The following USH2A variants were observed in gnomAD, a reference collection of about 807,000 sequenced individuals.
The protein encoded by USH2A is usherin, also known as Usher syndrome 2A (autosomal recessive, mild).
A neutral mutation model predicts 538.9 loss-of-function variants in USH2A; 443 were observed. The ratio of observed to expected loss-of-function variants is 0.82; its 90% CI spans 0.76 to 0.89. USH2A has a LOEUF of 0.89. Among genes scored for constraint, USH2A ranks in the 40% least tolerant of loss-of-function variants. The pLI, the probability that USH2A is intolerant of heterozygous loss-of-function variation, is 0.00. For synonymous variants in USH2A, 2,413 were observed against 2,273.5 expected (o/e 1.06, Z -1.75); for missense variants, 6,633 against 6,324.8 (o/e 1.05, Z -1.65).
chr1:215,942,209 C>T (rs509655), intron 37 of USH2A, among the ~76,000 whole-genome samples: 104,680 of 151,994 alleles, frequency 0.69, 36,901 homozygotes, highest in East Asian at 0.91. Flanking sequence ...TCTCAGTTAC[C>T]AGTTTTGTGT....
chr1:215,632,988 A>G (rs1420001324), intron 70 of USH2A, among the ~76,000 whole-genome samples: 1 of 152,164 alleles, frequency 6.6e-6, no homozygotes, highest in East Asian at 1.9e-4. Flanking sequence ...TACAACAGGA[A>G]GAGGCCCACA....
chr1:216,325,435 T>G lies in USH2A; in HGVS notation c.1013A>C (p.Glu338Ala). 6.2e-7 allele frequency: 1 copy of G among 1,613,946 alleles called. No homozygotes were observed. Among genetic ancestry groups the G allele is most frequent in the African/African-American group, 1.3e-5 (1 of 75,018 alleles). The change falls in exon 6 of 72, where the codon GAA (glutamate) becomes GCA (alanine). Residue 338 changes from glutamate to alanine, a missense_variant. Transcript: ENST00000307340. ...ATTGACAAAAGAGAGAGGATGGGCT[T>G]CAGGATTCAACCGTGACACTCTATT... ...ADNRVSRLNP[E>A]AHPLSFVNDN...
intron 64 of USH2A, among the ~76,000 whole-genome samples, chr1:215,652,158 T>G (rs147120119): frequency 2.6e-4 from 39 of 152,356 alleles, no homozygotes; most frequent in Admixed American, 8.5e-4. Context: ...CCTTGTAAGG[T>G]GAGCCGAGAA....
In USH2A at chr1:215,771,579, C is replaced by CAA. The variant is rs759067576; in HGVS notation, c.10940-4793_10940-4792dup. On this transcript the variant is annotated intron_variant, in intron 55 of 71. Transcript: ENST00000307340. ...TGGGCGACAGAGCGAGACTCCGTCT[C>CAA]AAAAAAAAAAAAAAAAAAAAAAAAA... Among the ~76,000 whole-genome samples the CAA allele has an allele frequency of 6.8e-3, 298 of 44,000 alleles. 61 individuals are homozygous for CAA. Among genetic ancestry groups the CAA allele is most frequent in the East Asian group, 0.01 (9 of 896 alleles). The allele number at this position is 44,000 out of a possible 152,430, so 28.9% of individuals were successfully genotyped here. A position where few individuals can be genotyped will look rare whatever the true frequency, so the allele number is the denominator to read the frequency against.
rs114484473 is a variant in USH2A, at chr1:215,738,884, A to G, written c.11711+2491T>C. 7.5e-3 allele frequency among the ~76,000 whole-genome samples: 1,141 copies of G among 152,298 alleles called. 17 individuals carry two copies. Among genetic ancestry groups the G allele is most frequent in the African/African-American group, 0.026 (1,080 of 41,570 alleles). On this transcript the variant is annotated intron_variant, in intron 60 of 71. Transcript: ENST00000307340. ...ACTGCAGGCTGGTGGCTATAACTATATAAAGGGCTCTATGTAGTCTCAGAA... is the reference window on the plus strand; with the variant it reads ...ACTGCAGGCTGGTGGCTATAACTATGTAAAGGGCTCTATGTAGTCTCAGAA...
intron 20 of USH2A, among the ~76,000 whole-genome samples, chr1:216,185,316 T>C (rs1173271812): frequency 6.6e-6 from 1 of 151,974 alleles, no homozygotes; most frequent in Non-Finnish European, 1.5e-5. Flanking sequence ...ATTCTAATCA[T>C]ATATTTAATT....
At chr1:216,050,255 T>TGCC (rs2030701033) in intron 30 of USH2A, among the ~76,000 whole-genome samples, 1 of 152,198 alleles carries the variant, frequency 6.6e-6, no homozygotes, top group Admixed American at 6.5e-5. Context: ...CCAAATCTGC[T>TGCC]GCCGATTGGC....
intron 3 of USH2A, among the ~76,000 whole-genome samples, chr1:216,414,265 C>T (rs2039540692): frequency 6.6e-6 from 1 of 151,852 alleles, no homozygotes; most frequent in African/African-American, 2.4e-5. Context: ...TATTAAACCC[C>T]AAAGTAAAAT....
At position 216,198,535 on chromosome 1, in the gene USH2A, T is replaced by A; in HGVS notation, c.3861A>T (p.Lys1287Asn). ...ELYMRRLRST[K>N]ETTSEESRVF... ...CTCGACTTTCCTCAGATGTGGTTTC[T>A]TTAGTAGATCTCAGTCTTCTCATGT... The change falls in exon 18 of 72, where the codon AAA becomes AAT. Residue 1287 changes from lysine to asparagine, a missense_variant. Lys to Asn is a moderately conservative substitution (Grantham distance 94). Transcript: ENST00000307340. 1 of 1,613,874 alleles carries A rather than the reference T, an allele frequency of 6.2e-7. No homozygotes were observed. The highest frequency in any genetic ancestry group is 8.5e-7 in the Non-Finnish European group (1 of 1,179,948).
intron 36 of USH2A, among the ~76,000 whole-genome samples, chr1:215,967,903 G>A (rs1163796943): frequency 6.6e-6 from 1 of 152,086 alleles, no homozygotes; most frequent in Admixed American, 6.6e-5. Flanking sequence ...ATCCTTAAGA[G>A]TCCCTGGAGA....
chr1:216,060,686 C>A (rs1471155965), intron 30 of USH2A, among the ~76,000 whole-genome samples: 1 of 152,136 alleles, frequency 6.6e-6, no homozygotes, highest in African/African-American at 2.4e-5. Context: ...TTGTATACAC[C>A]AATTATATCT....
At chr1:215,874,581 A>G (rs1354722286) in intron 43 of USH2A, among the ~76,000 whole-genome samples, 3 of 152,228 alleles carry the variant, frequency 2.0e-5, no homozygotes, top group Admixed American at 2.0e-4. Flanking sequence ...ACACATACTT[A>G]GCCAAAATAG....
At chr1:215,846,054 A>G in intron 44 of USH2A, 21 bp from the exon 45 acceptor site, 1 of 1,611,010 alleles carries the variant, frequency 6.2e-7, no homozygotes, top group Non-Finnish European at 8.5e-7. Context: ...TAAATGCAGG[A>G]CATGGTGAAT....
chr1:216,054,272 T>G (rs995065651), intron 30 of USH2A, among the ~76,000 whole-genome samples: 2 of 152,204 alleles, frequency 1.3e-5, no homozygotes, highest in African/African-American at 2.4e-5. Context: ...AGACATTGTT[T>G]CTTTTGACTG....
In USH2A at chr1:216,027,644, C is replaced by G. The variant is rs79460719; in HGVS notation, c.6325+18787G>C. ...TGGCCCCCTCTTTATCAATGCTACA[C>G]TCTGCAGACCTATAATTTCCACTTT... On this transcript the variant is annotated intron_variant, in intron 32 of 71. Coordinates refer to ENST00000307340, the MANE Select transcript of USH2A (RefSeq NM_206933.4). Among the ~76,000 whole-genome samples, 702 of 152,306 alleles carry G rather than the reference C, an allele frequency of 4.6e-3. 2 individuals are homozygous for G. The highest frequency in any genetic ancestry group is 5.9e-3 in the Non-Finnish European group (404 of 68,016).
chr1:215,692,393 T>C (rs1658646870), intron 61 of USH2A, among the ~76,000 whole-genome samples: 1 of 152,056 alleles, frequency 6.6e-6, no homozygotes, highest in Non-Finnish European at 1.5e-5. Context: ...TTTATATTGA[T>C]GGCAATTTTT....
At chr1:215,771,134 AAAAG>A (rs1046632962) in intron 55 of USH2A, among the ~76,000 whole-genome samples, 1 of 151,012 alleles carries the variant, frequency 6.6e-6, no homozygotes. Context: ...CCTAAAAAAA[AAAAG>A]AAAGAAAGAA....
intron 13 of USH2A, among the ~76,000 whole-genome samples, chr1:216,244,536 A>T (rs552584083): frequency 8.1e-4 from 124 of 152,284 alleles, no homozygotes; most frequent in African/African-American, 2.8e-3. Flanking sequence ...GAACAAAGAG[A>T]TCACCACAAT....
intron 47 of USH2A, among the ~76,000 whole-genome samples, chr1:215,836,848 GC>G (rs1558120624): frequency 6.6e-6 from 1 of 151,262 alleles, no homozygotes; most frequent in Non-Finnish European, 1.5e-5. Context: ...GAGCCACCAC[GC>G]CCCACCTTGC....
Sources: gnomAD v4.1 joint callset for allele counts (sites outside exome capture counted in the v4.1 genomes callset) on GRCh38, gnomAD v4.1.1 for gene constraint, MANE v1.5 for transcripts, NCBI Gene and HGNC (gene_info 2026-07-23, HGNC 2026-07-21) for gene names.